The following HMCN1 variants were observed in gnomAD, a reference collection of about 807,000 sequenced individuals.
The protein encoded by HMCN1 is hemicentin 1.
A neutral mutation model predicts 625.9 loss-of-function variants in HMCN1; 321 were observed. That is an observed-to-expected ratio of 0.51 (90% CI 0.47 to 0.56). HMCN1 has a LOEUF of 0.56. Ranked by LOEUF, HMCN1 falls within the 20% of genes least tolerant of loss-of-function variation. HMCN1 has a pLI of 0.00. For missense variants in HMCN1, 6,588 were observed against 6,887.3 expected, an observed-to-expected ratio of 0.96 and a Z score of 1.54; for synonymous variants, 2,425 against 2,417.6, an observed-to-expected ratio of 1.00 and a Z score of -0.09.
rs909756083 is a variant in HMCN1 at position 185,892,073 on chromosome 1, G to A, written c.622-17264G>A. On this transcript the variant is annotated intron_variant, in intron 4 of 106. Transcript: ENST00000271588. ...CATTTCATTCATTTCATCTTCCATCGCTGTTACCCTTTCTTCCAGTTGATT... is the reference window on the plus strand; with the variant it reads ...CATTTCATTCATTTCATCTTCCATCACTGTTACCCTTTCTTCCAGTTGATT... Among the ~76,000 whole-genome samples, 16 of 150,162 alleles carry A rather than the reference G, an allele frequency of 1.1e-4. 1 individual carries two copies. Among genetic ancestry groups the A allele is most frequent in the African/African-American group, 3.0e-4 (12 of 39,804 alleles).
At chr1:185,949,247 A>G (rs1668513359) in intron 11 of HMCN1, among the ~76,000 whole-genome samples, 1 of 151,854 alleles carries the variant, frequency 6.6e-6, no homozygotes, top group South Asian at 2.1e-4. Context: ...ATGTATGAGT[A>G]GTTGAGAACG....
intron 11 of HMCN1, among the ~76,000 whole-genome samples, chr1:185,943,999 G>A (rs1396268273): frequency 6.6e-6 from 1 of 152,088 alleles, no homozygotes; most frequent in Non-Finnish European, 1.5e-5. Flanking sequence ...TTGCCCCAAG[G>A]AAATAGAATC....
chr1:186,100,648 T>C (rs1443108917), intron 68 of HMCN1, among the ~76,000 whole-genome samples: 1 of 152,166 alleles, frequency 6.6e-6, no homozygotes, highest in African/African-American at 2.4e-5. Context: ...GCAAGGCTAC[T>C]TGGACCAGGA....
At position 185,981,084 on chromosome 1, in the gene HMCN1, T is replaced by C. The variant is rs754989887; in HGVS notation, c.2662+11T>C. 10 of 1,474,118 alleles carry C rather than the reference T, an allele frequency of 6.8e-6. No individual in the cohort carries two copies. In the South Asian group the frequency reaches 7.9e-5, roughly 12 times the overall value. The allele number at this position is 1,474,118 out of a possible 1,614,324, so 91.3% of individuals were successfully genotyped here. On this transcript the variant is annotated intron_variant, in intron 17 of 106. Transcript: ENST00000271588. ...CAGTGACCGGACTTGGTAAGATCAATTGAATGTCTACATACCATGGTCTTC... is the reference window on the plus strand; with the variant it reads ...CAGTGACCGGACTTGGTAAGATCAACTGAATGTCTACATACCATGGTCTTC...
chr1:186,180,243 A>G (rs779710898), intron 104 of HMCN1, among the ~76,000 whole-genome samples: 6 of 152,216 alleles, frequency 3.9e-5, no homozygotes, highest in Non-Finnish European at 8.8e-5. Context: ...ACTCTTCATT[A>G]AAGTTGTTCA....
chr1:186,120,909 AAAT>A, intron 80 of HMCN1, among the ~76,000 whole-genome samples: 1 of 152,338 alleles, frequency 6.6e-6, no homozygotes, highest in Admixed American at 6.5e-5. Flanking sequence ...AAATAATGAT[AAAT>A]TCTGATGTAT....
chr1:186,029,818 T>A (rs1358786922), intron 36 of HMCN1, among the ~76,000 whole-genome samples: 2 of 152,000 alleles, frequency 1.3e-5, no homozygotes, highest in Non-Finnish European at 2.9e-5. Flanking sequence ...AGGTAGAATG[T>A]TAGGTTATTG....
At position 186,088,214 on chromosome 1, in the gene HMCN1, C is replaced by G. The variant is rs1659632745; in HGVS notation, c.9515C>G (p.Thr3172Arg). The change falls in exon 62 of 107, where the codon ACA becomes AGA. Residue 3172 changes from threonine to arginine, a missense_variant. This residue lies in a region of HMCN1 where 4,628 missense variants were observed against 4,853.1 expected (regional missense o/e 0.95). Transcript: ENST00000271588. ...VETISNPVTL[T>R]CDATGIPPPT... The stretch of plus-strand genomic sequence containing the variant: ...ACGATCAGCAATCCTGTGACATTAA[C>G]ATGTGATGCCACTGGGATCCCACCT... 3 of 1,612,780 alleles carry G rather than the reference C, an allele frequency of 1.9e-6. No homozygotes were observed. Among genetic ancestry groups the G allele is most frequent in the Admixed American group, 3.3e-5 (2 of 59,790 alleles).
intron 1 of HMCN1, among the ~76,000 whole-genome samples, chr1:185,791,864 G>A (rs1658025451): frequency 1.3e-5 from 2 of 152,302 alleles, no homozygotes; most frequent in Middle Eastern, 3.4e-3. Flanking sequence ...GCAAACCCAT[G>A]TAAATTCTGA....
intron 2 of HMCN1, among the ~76,000 whole-genome samples, chr1:185,860,527 A>C (rs181860505): frequency 6.6e-6 from 1 of 151,930 alleles, no homozygotes; most frequent in Admixed American, 6.6e-5. Flanking sequence ...CCAGGCTGGA[A>C]GGGAATTCCT....
intron 24 of HMCN1, among the ~76,000 whole-genome samples, chr1:185,996,470 C>G (rs1249872339): frequency 6.6e-6 from 1 of 152,062 alleles, no homozygotes; most frequent in Non-Finnish European, 1.5e-5. Context: ...ACCTAGGAAG[C>G]CAGACTAATG....
At chr1:185,983,736 T>G (rs552952248) in intron 18 of HMCN1, among the ~76,000 whole-genome samples, 2 of 152,324 alleles carry the variant, frequency 1.3e-5, no homozygotes, top group East Asian at 3.9e-4. Flanking sequence ...GGTTAAGTCC[T>G]TCTCCCTTGG....
chr1:186,110,909 TC>T (rs1313425242), intron 71 of HMCN1, among the ~76,000 whole-genome samples: 12 of 150,494 alleles, frequency 8.0e-5, no homozygotes, highest in African/African-American at 2.9e-4. Context: ...AGAATGAGGT[TC>T]TATCAGGAGA....
intron 1 of HMCN1, among the ~76,000 whole-genome samples, chr1:185,832,120 A>C (rs1335063423): frequency 6.6e-6 from 1 of 151,586 alleles, no homozygotes; most frequent in Non-Finnish European, 1.5e-5. Flanking sequence ...ACATGGTGAA[A>C]CCCCCTCTCT....
intron 24 of HMCN1, among the ~76,000 whole-genome samples, chr1:185,996,581 G>A (rs1652802963): frequency 6.6e-6 from 1 of 152,112 alleles, no homozygotes; most frequent in African/African-American, 2.4e-5. Context: ...TCTTTTGGGA[G>A]GGAATCATTC....
chr1:186,133,041 T>G (rs957424968), intron 86 of HMCN1, among the ~76,000 whole-genome samples: 1 of 152,188 alleles, frequency 6.6e-6, no homozygotes, highest in African/African-American at 2.4e-5. Flanking sequence ...CAGTCTATCA[T>G]TGTTGGACAT....
intron 1 of HMCN1, among the ~76,000 whole-genome samples, chr1:185,751,147 T>G (rs1185457368): frequency 6.6e-6 from 1 of 152,176 alleles, no homozygotes; most frequent in Admixed American, 6.5e-5. Context: ...CATTTTGGAT[T>G]CTTATTCCCC....
chr1:185,936,343 A>C (rs2102501312), intron 11 of HMCN1, among the ~76,000 whole-genome samples: 1 of 152,172 alleles, frequency 6.6e-6, no homozygotes, highest in East Asian at 1.9e-4. Flanking sequence ...GCAGCAATTA[A>C]CAGCAGCAAA....
At chr1:185,899,254 G>A (rs1483124762) in intron 4 of HMCN1, among the ~76,000 whole-genome samples, 3 of 151,974 alleles carry the variant, frequency 2.0e-5, no homozygotes, top group Non-Finnish European at 2.9e-5. Flanking sequence ...CATAGCTATG[G>A]GTGAAGTTGA....
Sources: allele counts gnomAD v4.1 joint callset (sites outside exome capture counted in the v4.1 genomes callset), GRCh38; gene constraint gnomAD v4.1.1; regional missense constraint gnomAD v4.1.1; transcripts MANE v1.5; gene names NCBI Gene and HGNC (gene_info 2026-07-23, HGNC 2026-07-21).